The following HORMAD1 variants were observed in gnomAD, a reference collection of about 807,000 sequenced individuals.
HORMAD1 encodes HORMA domain containing 1.
Under a neutral mutation model 58.2 loss-of-function variants are expected in HORMAD1, and 33 were observed. The observed-to-expected ratio is 0.57, with a 90% CI of 0.43 to 0.76. The LOEUF (loss-of-function observed/expected upper bound fraction) is 0.76, where lower values mean the gene tolerates loss of function less well. HORMAD1 is among the 30% of genes least tolerant of loss of function. The pLI is 0.00. For missense variants in HORMAD1, 363 were observed against 462.0 expected (o/e 0.79, Z 1.96); for synonymous variants, 137 against 144.6 (o/e 0.95, Z 0.38).
At chr1:150,714,988 T>G (rs867602697) in intron 3 of HORMAD1, among the ~76,000 whole-genome samples, 26 of 152,172 alleles carry the variant, frequency 1.7e-4, no homozygotes, top group Middle Eastern at 6.8e-3. Flanking sequence ...TTTCCTCATG[T>G]TGGGCAGACT....
intron 9 of HORMAD1, 76 bp from the exon 10 acceptor site, chr1:150,706,885 A>C: frequency 8.2e-7 from 1 of 1,213,248 alleles, no homozygotes; most frequent in Non-Finnish European, 1.1e-6. Flanking sequence ...AAACACACGC[A>C]GATTGCAGGT....
chr1:150,707,216 T>C (rs1214635212), intron 9 of HORMAD1, among the ~76,000 whole-genome samples: 2 of 152,218 alleles, frequency 1.3e-5, no homozygotes, highest in East Asian at 3.8e-4. Flanking sequence ...GACATGCATA[T>C]AATAAAAGAT....
chr1:150,699,400 G>T (rs1651466513), intron 14 of HORMAD1, among the ~76,000 whole-genome samples: 1 of 152,050 alleles, frequency 6.6e-6, no homozygotes. Flanking sequence ...TTCTACTTCA[G>T]TTTTGATCTC....
At chr1:150,708,608 T>C (rs960435314) in intron 8 of HORMAD1, among the ~76,000 whole-genome samples, 7 of 152,238 alleles carry the variant, frequency 4.6e-5, no homozygotes, top group East Asian at 1.9e-4. Context: ...TTTACTTAAG[T>C]GCATTTTATA....
chr1:150,704,068 A>T, intron 12 of HORMAD1, 50 bp downstream of exon 12: 1 of 1,232,988 alleles, frequency 8.1e-7, no homozygotes, highest in Non-Finnish European at 1.1e-6. Flanking sequence ...GCGCATAAGC[A>T]ACTGTCCTGT....
intron 10 of HORMAD1, 111 bp from the exon 11 acceptor site, chr1:150,704,454 TA>T: frequency 1.5e-6 from 1 of 685,130 alleles, no homozygotes; most frequent in Non-Finnish European, 2.4e-6. Context: ...AAATACAATA[TA>T]AAACTACTGG....
chr1:150,713,404 G>C (rs907996433), intron 5 of HORMAD1, among the ~76,000 whole-genome samples: 4 of 151,946 alleles, frequency 2.6e-5, no homozygotes, highest in Admixed American at 2.0e-4. Context: ...GGAAGATTAG[G>C]AACCATGAAT....
chr1:150,711,950 T>C, intron 5 of HORMAD1, 97 bp from the exon 6 acceptor site: 1 of 818,248 alleles, frequency 1.2e-6, no homozygotes, highest in South Asian at 1.5e-5. Flanking sequence ...CAACATGTAT[T>C]CCTAATAACA....
chr1:150,720,882 T>C lies in HORMAD1; in HGVS notation c.-112A>G, dbSNP rs1652232704. ...GCGCTGTGCCCGACGCGCATGCGCT[T>C]TCCTTCAACGGTCACCCGCTGGGGC... On this transcript the variant is annotated 5_prime_UTR_variant, in exon 1 of 15. Transcript: ENST00000361824. 6.6e-6 allele frequency: 1 copy of C among 152,218 alleles called. No individual in the cohort carries two copies. Among genetic ancestry groups the C allele is most frequent in the Admixed American group, 6.5e-5 (1 of 15,280 alleles). 9.4% of individuals were successfully genotyped at this position (152,218 alleles called of 1,614,324 possible).
intron 13 of HORMAD1, among the ~76,000 whole-genome samples, chr1:150,702,128 C>T (rs941520359): frequency 3.3e-5 from 5 of 152,170 alleles, no homozygotes; most frequent in African/African-American, 9.7e-5. Context: ...TGAACAGACA[C>T]TTCTCAAAAG....
chr1:150,704,402 A>G, intron 10 of HORMAD1, 59 bp from the exon 11 acceptor site: 1 of 1,075,182 alleles, frequency 9.3e-7, no homozygotes, highest in Non-Finnish European at 1.4e-6. Context: ...AAAACAACTG[A>G]GCAGAAAGCA....
chr1:150,713,279 C>T lies in HORMAD1; in HGVS notation c.279+806G>A, dbSNP rs1008498053. Among the ~76,000 whole-genome samples the T allele has an allele frequency of 5.3e-5, 8 of 152,122 alleles. 1 individual carries two copies. Among genetic ancestry groups the T allele is most frequent in the African/African-American group, 1.9e-4 (8 of 41,428 alleles). On this transcript the variant is annotated intron_variant, in intron 5 of 14. Coordinates refer to ENST00000361824, the MANE Select transcript of HORMAD1 (RefSeq NM_032132.5). ...ATTTGTTTTATTAACTACTTGTTTT[C>T]CTACTTTACAAGGGACCTTTTTTGT...
chr1:150,709,563 TC>T (rs1451256978), intron 7 of HORMAD1, among the ~76,000 whole-genome samples: 3 of 152,134 alleles, frequency 2.0e-5, no homozygotes, highest in Admixed American at 2.0e-4. Flanking sequence ...CCAAGGTTTC[TC>T]CCCATGTGAT....
chr1:150,719,865 A>G (rs756705245), intron 1 of HORMAD1, among the ~76,000 whole-genome samples: 2 of 152,204 alleles, frequency 1.3e-5, no homozygotes, highest in Non-Finnish European at 2.9e-5. Context: ...GGTATTCAGT[A>G]ATGAAAAATT....
intron 3 of HORMAD1, 92 bp downstream of exon 3, chr1:150,717,041 TTAAAA>T (rs1652102788): frequency 1.4e-6 from 1 of 696,790 alleles, no homozygotes; most frequent in Non-Finnish European, 2.3e-6. Context: ...AAAGCTTCTA[TTAAAA>T]TAAAATTTCT....
chr1:150,707,989 G>A (rs1420287557), intron 9 of HORMAD1, among the ~76,000 whole-genome samples: 1 of 152,044 alleles, frequency 6.6e-6, no homozygotes. Context: ...GGATTAACAC[G>A]TTTTACCAAT....
intron 13 of HORMAD1, 60 bp from the exon 14 acceptor site, chr1:150,700,243 T>C: frequency 2.2e-6 from 2 of 896,006 alleles, no homozygotes; most frequent in Non-Finnish European, 3.7e-6. Context: ...CAACACTTGA[T>C]TTTTCAATCT....
At chr1:150,704,867 AT>A (rs1651645114) in intron 10 of HORMAD1, among the ~76,000 whole-genome samples, 1 of 151,808 alleles carries the variant, frequency 6.6e-6, no homozygotes, top group South Asian at 2.1e-4. Context: ...ACATGGTGAA[AT>A]CTCGTCTCTA....
At chr1:150,708,208 T>C (rs771365851) in intron 9 of HORMAD1, 48 bp downstream of exon 9, 19 of 1,372,782 alleles carry the variant, frequency 1.4e-5, no homozygotes, top group Middle Eastern at 1.9e-4. Context: ...GTTTCAATAA[T>C]GATAAAACAT....
Sources: allele counts gnomAD v4.1 joint callset (sites outside exome capture counted in the v4.1 genomes callset), GRCh38; gene constraint gnomAD v4.1.1; transcripts MANE v1.5; gene names NCBI Gene and HGNC (gene_info 2026-07-23, HGNC 2026-07-21).